SLC36A4: variants seen among roughly 807,000 people sequenced by gnomAD.
SLC36A4 encodes the protein solute carrier family 36 member 4, also known as neutral amino acid uniporter 4.
Under a neutral mutation model 50.5 loss-of-function variants are expected in SLC36A4, and 49 were observed. The observed-to-expected ratio is 0.97, with a 90% CI of 0.77 to 1.23. SLC36A4 has a LOEUF of 1.23. Among genes scored for constraint, SLC36A4 ranks in the 50% most tolerant of loss-of-function variants. The pLI is 0.00. For missense variants in SLC36A4, 611 were observed against 608.4 expected (o/e 1.00, Z -0.05); for synonymous variants, 207 against 206.5 (o/e 1.00, Z -0.02).
At chr11:93,186,148 T>A (rs1221795740) in intron 1 of SLC36A4, among the ~76,000 whole-genome samples, 2 of 152,214 alleles carry the variant, frequency 1.3e-5, no homozygotes, top group Non-Finnish European at 2.9e-5. Context: ...TATATTTTCA[T>A]CGCTGCTTAG....
intron 1 of SLC36A4, among the ~76,000 whole-genome samples, chr11:93,194,846 A>G (rs1862353854): frequency 6.6e-6 from 1 of 152,130 alleles, no homozygotes; most frequent in Admixed American, 6.5e-5. Context: ...ATAAAATCCA[A>G]TTGCCTACTT....
chr11:93,158,601 A>C (rs1255252462), intron 9 of SLC36A4, among the ~76,000 whole-genome samples: 2 of 152,152 alleles, frequency 1.3e-5, no homozygotes, highest in Non-Finnish European at 2.9e-5. Flanking sequence ...AAAGTGCCAC[A>C]GTTTAATATG....
At chr11:93,180,664 A>G (rs1469180259) in intron 6 of SLC36A4, 133 bp downstream of exon 6, 15 of 726,712 alleles carry the variant, frequency 2.1e-5, no homozygotes, top group Non-Finnish European at 3.5e-5. Flanking sequence ...GACTAAAGGA[A>G]AATTTATAAA....
chr11:93,154,382 G>T (rs1019869576), intron 9 of SLC36A4, 105 bp from the exon 10 acceptor site: 2 of 508,068 alleles, frequency 3.9e-6, no homozygotes, highest in East Asian at 7.3e-5. Flanking sequence ...TACCAAATTA[G>T]GCCAGAACCT....
At chr11:93,166,310 C>G in intron 7 of SLC36A4, 1 of 1,088,762 alleles carries the variant, frequency 9.2e-7, no homozygotes, top group African/African-American at 1.6e-5. Flanking sequence ...AGGTATGGCT[C>G]CTGCCACAAC....
rs2134649088 is a variant in SLC36A4 at position 93,162,776 on chromosome 11, T to C, written c.967A>G (p.Thr323Ala). 6.2e-7 allele frequency: 1 copy of C among 1,613,566 alleles called. No homozygotes were observed. ...TCATGGAAACACATATATCCTAAAG[T>C]AGCTAATGTTACATACAAAGTTGTA... Reference protein sequence around the residue: ...IVTTLYVTLATLGYMCFHDEI... With the variant: ...IVTTLYVTLAALGYMCFHDEI... The change falls in exon 9 of 11, where the codon ACT becomes GCT. Residue 323 changes from threonine to alanine, a missense_variant. Thr to Ala is a moderately conservative substitution (Grantham distance 58). Transcript: ENST00000326402.
At chr11:93,174,276 G>T (rs1347369207) in intron 6 of SLC36A4, among the ~76,000 whole-genome samples, 1 of 145,078 alleles carries the variant, frequency 6.9e-6, no homozygotes, top group African/African-American at 2.5e-5. Flanking sequence ...AAGAATGCTT[G>T]TGATTTTTGT....
In SLC36A4 at chr11:93,178,924, T is replaced by C. The variant is rs138831272; in HGVS notation, c.540+1873A>G. 2.5e-3 allele frequency among the ~76,000 whole-genome samples: 375 copies of C among 152,294 alleles called. 1 individual carries two copies. The highest frequency in any genetic ancestry group is 6.9e-3 in the African/African-American group (287 of 41,564). ...TCAAACTGTCCCTGTTTGTTGATGA[T>C]ATGTTTACCTTCAAAACCCTAAGGT... is the stretch of plus-strand genomic sequence containing the variant. On this transcript the variant is annotated intron_variant, in intron 6 of 10. Transcript: ENST00000326402.
chr11:93,193,291 G>A (rs1862290779), intron 1 of SLC36A4, among the ~76,000 whole-genome samples: 1 of 151,994 alleles, frequency 6.6e-6, no homozygotes, highest in Non-Finnish European at 1.5e-5. Context: ...AGTAAACAGA[G>A]TTAAGAATAT....
In SLC36A4 at chr11:93,146,468, G is replaced by T. The variant is rs937416496; in HGVS notation, c.*2069C>A. 1 of 151,920 alleles carries T rather than the reference G, an allele frequency of 6.6e-6. No individual in the cohort carries two copies. Among genetic ancestry groups the T allele is most frequent in the African/African-American group, 2.4e-5 (1 of 41,410 alleles). 9.4% of individuals were successfully genotyped at this position (151,920 alleles called of 1,614,324 possible). A position where few individuals can be genotyped will look rare whatever the true frequency, so the allele number is the denominator to read the frequency against. ...GTATGACTAAAGGCTCAGTGTAACA[G>T]AATTGATATAAAAGTATCTCAAACA... On this transcript the variant is annotated 3_prime_UTR_variant, in exon 11 of 11. Transcript: ENST00000326402.
chr11:93,187,768 C>T (rs1430497680), intron 1 of SLC36A4, among the ~76,000 whole-genome samples: 1 of 152,148 alleles, frequency 6.6e-6, no homozygotes, highest in Non-Finnish European at 1.5e-5. Context: ...TTCTAGTTCT[C>T]TTTCATTTCT....
At chr11:93,158,733 C>G (rs1473481722) in intron 9 of SLC36A4, among the ~76,000 whole-genome samples, 1 of 152,054 alleles carries the variant, frequency 6.6e-6, no homozygotes, top group Non-Finnish European at 1.5e-5. Flanking sequence ...ATTATCACAA[C>G]CTTTTCTTCA....
At chr11:93,170,704 T>G (rs1372631052) in intron 6 of SLC36A4, among the ~76,000 whole-genome samples, 2 of 152,038 alleles carry the variant, frequency 1.3e-5, no homozygotes, top group East Asian at 3.9e-4. Flanking sequence ...TTTATCTGCA[T>G]GAGATTTTCT....
intron 10 of SLC36A4, among the ~76,000 whole-genome samples, chr11:93,153,138 C>G (rs990763410): frequency 6.6e-6 from 1 of 152,054 alleles, no homozygotes; most frequent in African/African-American, 2.4e-5. Flanking sequence ...CTGCTCAAAT[C>G]AATTTATTGA....
chr11:93,186,601 T>A (rs992562326), intron 1 of SLC36A4, among the ~76,000 whole-genome samples: 3 of 152,226 alleles, frequency 2.0e-5, no homozygotes, highest in African/African-American at 7.2e-5. Flanking sequence ...CAATTAATAA[T>A]TTAATTCTAG....
In SLC36A4 at chr11:93,150,433, A is replaced by T. The variant is rs1860029686; in HGVS notation, c.1208-1589T>A. 2.0e-5 allele frequency among the ~76,000 whole-genome samples: 3 copies of T among 151,940 alleles called. No individual in the cohort carries two copies. The East Asian group carries it at 5.8e-4, about 29-fold the overall frequency. ...ATATTTTCCAGGAGGTTGTGGGATC[A>T]ACTTGGAACTAAGTTCCCACCATGT... On this transcript the variant is annotated intron_variant, in intron 10 of 10. Transcript: ENST00000326402.
At position 93,162,767 on chromosome 11, in the gene SLC36A4, A is replaced by C; in HGVS notation, c.976T>G (p.Tyr326Asp). The change falls in exon 9 of 11, where the codon TAT (tyrosine) becomes GAT (aspartate). Residue 326 changes from tyrosine (Y) to aspartate (D), a missense_variant. Tyr to Asp is a radical substitution (Grantham distance 160, BLOSUM62 -3). Transcript: ENST00000326402. ...TLYVTLATLG[Y>D]MCFHDEIKGS... ...TTGATTTCATCATGGAAACACATAT[A>C]TCCTAAAGTAGCTAATGTTACATAC... is the stretch of plus-strand genomic sequence containing the variant. The C allele has an allele frequency of 6.2e-7, 1 of 1,613,682 alleles. No homozygotes were observed. The highest frequency in any genetic ancestry group is 8.5e-7 in the Non-Finnish European group (1 of 1,179,784).
At chr11:93,175,095 T>TA (rs1351803087) in intron 6 of SLC36A4, among the ~76,000 whole-genome samples, 3 of 151,884 alleles carry the variant, frequency 2.0e-5, no homozygotes, top group Non-Finnish European at 4.4e-5. Context: ...TTTTGGTTGG[T>TA]AAACTATTGA....
At chr11:93,166,825 C>A (rs1355896697) in intron 7 of SLC36A4, 1 of 152,130 alleles carries the variant, frequency 6.6e-6, no homozygotes, top group African/African-American at 2.4e-5. Flanking sequence ...ATAGAGAGAT[C>A]TAGAATATCT....
Sources: allele counts gnomAD v4.1 joint callset (sites outside exome capture counted in the v4.1 genomes callset), GRCh38; gene constraint gnomAD v4.1.1; transcripts MANE v1.5; gene names NCBI Gene and HGNC (gene_info 2026-07-23, HGNC 2026-07-21).